LLGL1: variants seen among roughly 807,000 people sequenced by gnomAD.
The protein encoded by LLGL1 is LLGL scribble cell polarity complex component 1.
A neutral mutation model predicts 110.6 loss-of-function variants in LLGL1; 58 were observed. The ratio of observed to expected loss-of-function variants is 0.52; its 90% CI spans 0.42 to 0.65. The LOEUF (loss-of-function observed/expected upper bound fraction) is 0.65. LLGL1 is among the 30% of genes least tolerant of loss of function. LLGL1 has a pLI of 0.00. For missense variants in LLGL1, 1,229 were observed against 1,462.1 expected (o/e 0.84, Z 2.60); for synonymous variants, 674 against 607.2 (o/e 1.11, Z -1.62).
At chr17:18,242,052 T>C (rs2142723297) in intron 19 of LLGL1, 53 bp downstream of exon 19, 1 of 1,556,048 alleles carries the variant, frequency 6.4e-7, no homozygotes, top group Non-Finnish European at 8.9e-7. Flanking sequence ...GGGCCAGGTC[T>C]CATCCCACCC....
chr17:18,235,954 T>A (rs925829982), intron 11 of LLGL1: 2 of 219,114 alleles, frequency 9.1e-6, no homozygotes, highest in African/African-American at 4.7e-5. Context: ...CCTCTGACTC[T>A]GGTGTGCCCT....
intron 1 of LLGL1, among the ~76,000 whole-genome samples, chr17:18,226,333 C>T (rs2047442262): frequency 6.6e-6 from 1 of 152,154 alleles, no homozygotes; most frequent in South Asian, 2.1e-4. Flanking sequence ...TTAGGGGCTC[C>T]ATTGCGTCCC....
chr17:18,237,996 A>AGGCCAGCAGGAGTGTGGT (rs1364499514), intron 14 of LLGL1, 71 bp from the exon 15 acceptor site: 35 of 1,557,704 alleles, frequency 2.2e-5, no homozygotes, highest in Non-Finnish European at 3.0e-5. Flanking sequence ...GTGCCTCCAC[A>AGGCCAGCAGGAGTGTGGT]GGCCAGCAGG....
intron 11 of LLGL1, chr17:18,236,064 C>T (rs572282362): frequency 3.6e-4 from 65 of 180,894 alleles, no homozygotes; most frequent in Non-Finnish European, 6.7e-4. Flanking sequence ...TGGGCTTTCA[C>T]CACCGCCTGG....
chr17:18,235,605 G>C (rs1469436988), intron 11 of LLGL1, 68 bp downstream of exon 11: 5 of 1,522,696 alleles, frequency 3.3e-6, no homozygotes, highest in Non-Finnish European at 4.5e-6. Context: ...CCTGGGCCTG[G>C]TGGGTGCAGA....
chr17:18,242,085 T>G, intron 19 of LLGL1, 81 bp from the exon 20 acceptor site: 2 of 1,539,644 alleles, frequency 1.3e-6, no homozygotes, highest in Non-Finnish European at 1.8e-6. Context: ...TTCCCTGGGC[T>G]CAGGAGTGGG....
intron 1 of LLGL1, 119 bp downstream of exon 1, chr17:18,225,882 C>T (rs1019909326): frequency 7.2e-6 from 2 of 278,562 alleles, no homozygotes; most frequent in Admixed American, 6.7e-5. Flanking sequence ...TGCAGCGCGG[C>T]GCGGGGCGGG....
At chr17:18,234,568 G>C in intron 7 of LLGL1, 81 bp from the exon 8 acceptor site, 8 of 1,594,152 alleles carry the variant, frequency 5.0e-6, no homozygotes, top group Non-Finnish European at 6.0e-6. Flanking sequence ...GTAAGGTAGA[G>C]AGCAGTGGAG....
At chr17:18,237,346 T>G (rs2047715538) in intron 13 of LLGL1, 135 bp from the exon 14 acceptor site, 1 of 834,656 alleles carries the variant, frequency 1.2e-6, no homozygotes, top group Admixed American at 2.9e-5. Flanking sequence ...GAGTGCTTGT[T>G]TAGCTGATGA....
intron 15 of LLGL1, 32 bp downstream of exon 15, chr17:18,238,246 C>T (rs1163330044): frequency 6.2e-6 from 10 of 1,606,428 alleles, no homozygotes; most frequent in Non-Finnish European, 8.5e-6. Context: ...AGGAGCTGTG[C>T]CTGTGTCCTG....
intron 19 of LLGL1, 74 bp downstream of exon 19, chr17:18,242,073 C>A: frequency 6.5e-7 from 1 of 1,538,292 alleles, no homozygotes; most frequent in South Asian, 1.1e-5. Flanking sequence ...CCGAGATCTG[C>A]CTTCCCTGGG....
rs1266550940 is a variant in LLGL1, at chr17:18,234,092, A to C, written c.631A>C (p.Ile211Leu). Residue 211 changes from isoleucine to leucine, a missense_variant, in exon 6 of 23, where the codon ATT (isoleucine) becomes CTT (leucine). Ile to Leu is a conservative substitution (Grantham distance 5). Transcript: ENST00000316843. ...GGGACACCTGCGGGACCCCACAAAG[A>C]TTCTCATTGGCTACAGCCGGGGCCT... Reference protein sequence around the residue: ...LQGHLRDPTKILIGYSRGLLV... With the variant: ...LQGHLRDPTKLLIGYSRGLLV... The C allele has an allele frequency of 6.2e-7, 1 of 1,612,176 alleles. No individual in the cohort carries two copies. The highest frequency in any genetic ancestry group is 8.5e-7 in the Non-Finnish European group (1 of 1,179,070).
At chr17:18,238,340 G>A (rs2047743184) in intron 15 of LLGL1, 116 bp from the exon 16 acceptor site, 1 of 1,570,522 alleles carries the variant, frequency 6.4e-7, no homozygotes. Flanking sequence ...GCCCTCCAGA[G>A]GGATGGGTGA....
In LLGL1 at chr17:18,238,146, C is replaced by G; in HGVS notation, c.1984C>G (p.Gln662Glu). 1.2e-6 allele frequency: 2 copies of G among 1,613,812 alleles called. No homozygotes were observed. Among genetic ancestry groups the G allele is most frequent in the Non-Finnish European group, 1.7e-6 (2 of 1,180,042 alleles). ...GAAGTCTCTCAAGAAGTCACTGCGC[C>G]AGTCTTTCCGGCGCATTCGCAAGAG... Reference protein sequence around the residue: ...RVKSLKKSLRQSFRRIRKSRV... With the variant: ...RVKSLKKSLRESFRRIRKSRV... Residue 662 changes from glutamine to glutamate, a missense_variant, in exon 15 of 23, where the codon CAG becomes GAG. Gln to Glu is a conservative substitution (Grantham distance 29). Transcript: ENST00000316843.
intron 13 of LLGL1, 111 bp from the exon 14 acceptor site, chr17:18,237,370 C>T (rs535108403): frequency 5.4e-6 from 6 of 1,102,096 alleles, no homozygotes; most frequent in East Asian, 5.2e-5. Context: ...GAAGACAGTC[C>T]TAGAACCACC....
At chr17:18,239,192 CG>C (rs1384086737) in intron 16 of LLGL1, among the ~76,000 whole-genome samples, 27 of 152,044 alleles carry the variant, frequency 1.8e-4, no homozygotes, top group Non-Finnish European at 1.5e-5. Flanking sequence ...GCCCAGGCCC[CG>C]AGCCGGGCAT....
chr17:18,242,341 G>T, intron 20 of LLGL1, 63 bp downstream of exon 20: 1 of 1,555,174 alleles, frequency 6.4e-7, no homozygotes, highest in South Asian at 1.1e-5. Context: ...AGGGAGTCGG[G>T]ACTCACATAG....
At chr17:18,242,717 C>T (rs752713161) in intron 21 of LLGL1, 26 bp from the exon 22 acceptor site, 3 of 1,562,384 alleles carry the variant, frequency 1.9e-6, no homozygotes, top group South Asian at 1.2e-5. Context: ...CCGCCCCCAC[C>T]CCTGAGCACC....
chr17:18,235,570 C>G (rs1567690650), intron 11 of LLGL1, 33 bp downstream of exon 11: 1 of 1,602,056 alleles, frequency 6.2e-7, no homozygotes, highest in Admixed American at 1.7e-5. Context: ...GTGAGTGGGC[C>G]CCTTGCTGTT....
Sources: allele counts gnomAD v4.1 joint callset (sites outside exome capture counted in the v4.1 genomes callset), GRCh38; gene constraint gnomAD v4.1.1; transcripts MANE v1.5; gene names NCBI Gene and HGNC (gene_info 2026-07-23, HGNC 2026-07-21).